TENM4: variants seen among roughly 807,000 people sequenced by gnomAD.
TENM4 encodes the protein teneurin-4.
TENM4 carries 82 observed loss-of-function variants against 243.3 expected under a neutral mutation model. The ratio of observed to expected loss-of-function variants is 0.34; its 90% CI spans 0.28 to 0.40. The LOEUF (loss-of-function observed/expected upper bound fraction) is 0.40. Among genes scored for constraint, TENM4 ranks in the 10% least tolerant of loss-of-function variants. TENM4 has a pLI of 1.00. For missense variants in TENM4, 3,138 were observed against 3,673.3 expected, an observed-to-expected ratio of 0.85 and a Z score of 3.77; for synonymous variants, 1,412 against 1,456.3, an observed-to-expected ratio of 0.97 and a Z score of 0.69.
intron 2 of TENM4, among the ~76,000 whole-genome samples, chr11:79,243,665 G>A (rs778625475): frequency 1.2e-4 from 19 of 152,220 alleles, no homozygotes; most frequent in Non-Finnish European, 2.2e-4. Context: ...CCAGGGACAG[G>A]CAGGAAGAAC....
intron 15 of TENM4, among the ~76,000 whole-genome samples, chr11:78,789,735 C>A (rs1454671075): frequency 6.6e-6 from 1 of 152,328 alleles, no homozygotes; most frequent in Non-Finnish European, 1.5e-5. Context: ...CAGCAGAGCA[C>A]ATGGAGCCCA....
intron 2 of TENM4, among the ~76,000 whole-genome samples, chr11:79,264,498 G>T (rs545887319): frequency 6.6e-6 from 1 of 152,272 alleles, no homozygotes; most frequent in South Asian, 2.1e-4. Context: ...CCGTCCCCCT[G>T]CTCTAAGCTC....
intron 7 of TENM4, among the ~76,000 whole-genome samples, chr11:78,903,050 C>T (rs1312308706): frequency 6.6e-6 from 1 of 152,170 alleles, no homozygotes; most frequent in Non-Finnish European, 1.5e-5. Context: ...CAAGGTCACA[C>T]CTTTGGTAAT....
chr11:79,059,895 T>A (rs1158977907), intron 6 of TENM4, among the ~76,000 whole-genome samples: 1 of 152,204 alleles, frequency 6.6e-6, no homozygotes, highest in Non-Finnish European at 1.5e-5. Flanking sequence ...CACATTGGAC[T>A]CTGAAACTAG....
intron 6 of TENM4, among the ~76,000 whole-genome samples, chr11:79,011,945 C>G (rs1400104731): frequency 1.3e-5 from 2 of 152,150 alleles, no homozygotes; most frequent in African/African-American, 4.8e-5. Context: ...ACCCCCTTTT[C>G]CCTGGATGTA....
At chr11:79,089,190 T>A (rs927152608) in intron 4 of TENM4, among the ~76,000 whole-genome samples, 1 of 152,220 alleles carries the variant, frequency 6.6e-6, no homozygotes, top group South Asian at 2.1e-4. Context: ...AGGGTTTTAA[T>A]TGGCTTAGAC....
rs189889504 is a variant in TENM4, at chr11:78,978,777, G to A, written c.494-75254C>T. ...AAAGAGTTCATACTTTGGAGGTTAA[G>A]GGTATTCACCATTCAAAGCTCAGAA... On this transcript the variant is annotated intron_variant, in intron 6 of 33. Transcript: ENST00000278550. Among the ~76,000 whole-genome samples, 51 of 152,316 alleles carry A rather than the reference G, an allele frequency of 3.3e-4. No individual in the cohort carries two copies. In the Middle Eastern group the frequency reaches 0.017, roughly 51 times the overall value.
intron 15 of TENM4, among the ~76,000 whole-genome samples, chr11:78,791,429 G>A (rs1031142927): frequency 6.6e-6 from 1 of 152,200 alleles, no homozygotes; most frequent in African/African-American, 2.4e-5. Flanking sequence ...TTTGTGAAAT[G>A]TGGGTTACAG....
At chr11:78,792,060 G>C (rs967231219) in intron 15 of TENM4, among the ~76,000 whole-genome samples, 15 of 152,178 alleles carry the variant, frequency 9.9e-5, no homozygotes, top group Admixed American at 6.5e-4. Flanking sequence ...AAAATGAGGA[G>C]AGTAATAATG....
intron 6 of TENM4, among the ~76,000 whole-genome samples, chr11:78,928,363 T>C (rs1437283068): frequency 2.6e-5 from 4 of 152,128 alleles, no homozygotes; most frequent in Admixed American, 1.3e-4. Context: ...ACTACAGGTA[T>C]ATATAAAAGC....
intron 15 of TENM4, among the ~76,000 whole-genome samples, chr11:78,799,239 A>G (rs1023759750): frequency 6.6e-6 from 1 of 152,196 alleles, no homozygotes; most frequent in African/African-American, 2.4e-5. Context: ...CTGACTCTTC[A>G]TCTAGACAAT....
chr11:78,702,924 G>C (rs1364557327), intron 27 of TENM4, among the ~76,000 whole-genome samples: 1 of 152,124 alleles, frequency 6.6e-6, no homozygotes, highest in Non-Finnish European at 1.5e-5. Context: ...TTCATACATG[G>C]TTGATATGAT....
At chr11:79,223,847 G>T (rs1864208647) in intron 2 of TENM4, among the ~76,000 whole-genome samples, 1 of 152,160 alleles carries the variant, frequency 6.6e-6, no homozygotes. Flanking sequence ...CACCACGTGG[G>T]TTGTGACAGT....
At chr11:78,946,049 G>A (rs1263243660) in intron 6 of TENM4, among the ~76,000 whole-genome samples, 1 of 152,234 alleles carries the variant, frequency 6.6e-6, no homozygotes, top group Non-Finnish European at 1.5e-5. Context: ...AGCTAAGATT[G>A]TTGATGAAGG....
At chr11:79,389,225 G>A (rs1018433505) in intron 1 of TENM4, among the ~76,000 whole-genome samples, 3 of 152,138 alleles carry the variant, frequency 2.0e-5, no homozygotes, top group Admixed American at 6.5e-5. Flanking sequence ...GTAAAATCAT[G>A]GCTCACTGCA....
chr11:79,418,149 T>C (rs1858858430), intron 1 of TENM4, among the ~76,000 whole-genome samples: 1 of 144,786 alleles, frequency 6.9e-6, no homozygotes, highest in Non-Finnish European at 1.5e-5. Flanking sequence ...ATATTATATA[T>C]GATACAAATA....
At chr11:78,662,379 CG>C (rs1858052817) in intron 32 of TENM4, among the ~76,000 whole-genome samples, 1 of 151,830 alleles carries the variant, frequency 6.6e-6, no homozygotes. Context: ...TTAGTAGAGA[CG>C]GGGTTTTACC....
chr11:79,353,365 G>A (rs1246256487), intron 1 of TENM4, among the ~76,000 whole-genome samples: 3 of 152,260 alleles, frequency 2.0e-5, no homozygotes, highest in African/African-American at 7.2e-5. Flanking sequence ...TAGAGAGGGA[G>A]AGACTACATC....
At chr11:79,090,509 T>C (rs1453634519) in intron 4 of TENM4, among the ~76,000 whole-genome samples, 1 of 152,234 alleles carries the variant, frequency 6.6e-6, no homozygotes, top group East Asian at 1.9e-4. Flanking sequence ...GGCAACTCAT[T>C]CGTTCTGCAT....
Sources: allele counts gnomAD v4.1 joint callset (sites outside exome capture counted in the v4.1 genomes callset), GRCh38; gene constraint gnomAD v4.1.1; transcripts MANE v1.5; gene names NCBI Gene and HGNC (gene_info 2026-07-23, HGNC 2026-07-21).